Variants in PTPRK observed in about 807,000 individuals in gnomAD.
PTPRK encodes protein tyrosine phosphatase receptor type K.
Under a neutral mutation model 178.0 loss-of-function variants are expected in PTPRK, and 75 were observed. The observed-to-expected ratio is 0.42, with a 90% CI of 0.35 to 0.51. PTPRK has a LOEUF of 0.51. Ranked by LOEUF, PTPRK falls within the 20% of genes least tolerant of loss-of-function variation. The pLI is 0.02. For synonymous variants in PTPRK, 637 were observed against 620.6 expected (o/e 1.03, Z -0.39); for missense variants, 1,441 against 1,797.8 (o/e 0.80, Z 3.59).
At chr6:128,315,312 A>T (rs947839217) in intron 3 of PTPRK, among the ~76,000 whole-genome samples, 15 of 152,132 alleles carry the variant, frequency 9.9e-5, no homozygotes, top group Non-Finnish European at 1.5e-4. Flanking sequence ...ATTACTTGGT[A>T]TAAATTTGAC....
intron 7 of PTPRK, among the ~76,000 whole-genome samples, chr6:128,101,115 CAGA>C (rs1277993142): frequency 6.6e-6 from 1 of 151,924 alleles, no homozygotes; most frequent in Non-Finnish European, 1.5e-5. Flanking sequence ...TAAATATTCA[CAGA>C]AGAATAGTAA....
chr6:128,190,490 CTTTTTTTTTTTTTTT>C (rs34873441), intron 6 of PTPRK, among the ~76,000 whole-genome samples: 2 of 96,126 alleles, frequency 2.1e-5, no homozygotes, highest in Non-Finnish European at 3.8e-5. Context: ...TGATAGATAC[CTTTTTTTTTTTTTTT>C]TTTTTTTTTT....
chr6:128,282,896 G>A (rs532577653), intron 3 of PTPRK, among the ~76,000 whole-genome samples: 1 of 152,088 alleles, frequency 6.6e-6, no homozygotes, highest in African/African-American at 2.4e-5. Context: ...TGTACAAAAC[G>A]GAATGGTAGT....
intron 13 of PTPRK, among the ~76,000 whole-genome samples, chr6:128,012,537 G>T (rs13197257): frequency 0.21 from 32,189 of 150,870 alleles, 4,362 homozygotes; most frequent in Admixed American, 0.3. Flanking sequence ...CTGCCAAAGA[G>T]CATATAAGGA....
rs142019423 is a variant in PTPRK at position 128,420,526 on chromosome 6, C to T, written c.101-22838G>A. The stretch of plus-strand genomic sequence containing the variant: ...TGATGAATGAGACTTTGCCATTGCC[C>T]TCAGAATGCTTAGAGCTCCCTGGAG... On this transcript the variant is annotated intron_variant, in intron 1 of 29. Transcript: ENST00000368226. Among the ~76,000 whole-genome samples, 5 of 152,222 alleles carry T rather than the reference C, an allele frequency of 3.3e-5. No individual in the cohort carries two copies. In the East Asian group the frequency reaches 9.6e-4, roughly 29 times the overall value.
chr6:128,089,187 C>T (rs1442886629), intron 8 of PTPRK, among the ~76,000 whole-genome samples: 1 of 152,176 alleles, frequency 6.6e-6, no homozygotes, highest in Non-Finnish European at 1.5e-5. Context: ...TGGTCTTGAA[C>T]TCTTGACCTC....
intron 3 of PTPRK, among the ~76,000 whole-genome samples, chr6:128,310,951 TGGA>T (rs945430120): frequency 6.6e-6 from 1 of 152,072 alleles, no homozygotes; most frequent in African/African-American, 2.4e-5. Flanking sequence ...AACAGGCAGA[TGGA>T]GGAGAAGAGC....
At chr6:128,117,951 T>C (rs1791826249) in intron 7 of PTPRK, among the ~76,000 whole-genome samples, 1 of 152,202 alleles carries the variant, frequency 6.6e-6, no homozygotes, top group Admixed American at 6.5e-5. Context: ...GCCTGGACCA[T>C]GTTATGTTAA....
At chr6:128,221,991 A>G (rs1302615242) in intron 5 of PTPRK, among the ~76,000 whole-genome samples, 1 of 152,096 alleles carries the variant, frequency 6.6e-6, no homozygotes, top group Admixed American at 6.6e-5. Flanking sequence ...TACTTTTGTT[A>G]TACAACCTTA....
chr6:128,024,615 C>A (rs1419401931), intron 13 of PTPRK, among the ~76,000 whole-genome samples: 2 of 151,988 alleles, frequency 1.3e-5, no homozygotes, highest in African/African-American at 2.4e-5. Context: ...TCAAGACCAG[C>A]CTGGCCAACA....
At chr6:128,189,916 G>A (rs1306415686) in intron 6 of PTPRK, among the ~76,000 whole-genome samples, 1 of 152,130 alleles carries the variant, frequency 6.6e-6, no homozygotes, top group Non-Finnish European at 1.5e-5. Flanking sequence ...GCATTTATCA[G>A]CTACCCCTAC....
chr6:128,299,684 AC>A (rs1168192648), intron 3 of PTPRK, among the ~76,000 whole-genome samples: 1 of 152,088 alleles, frequency 6.6e-6, no homozygotes, highest in African/African-American at 2.4e-5. Flanking sequence ...GAAAGCTGAA[AC>A]TGGATCCCTT....
intron 27 of PTPRK, among the ~76,000 whole-genome samples, chr6:127,974,222 A>G (rs1774258761): frequency 6.6e-6 from 1 of 152,202 alleles, no homozygotes; most frequent in Non-Finnish European, 1.5e-5. Flanking sequence ...TATAGGCATC[A>G]TGATTATTTT....
intron 6 of PTPRK, among the ~76,000 whole-genome samples, chr6:128,215,903 GCA>G (rs1809191327): frequency 6.6e-6 from 1 of 151,986 alleles, no homozygotes; most frequent in African/African-American, 2.4e-5. Context: ...GGACCTGTCA[GCA>G]CAGTTAATTC....
intron 1 of PTPRK, among the ~76,000 whole-genome samples, chr6:128,511,198 A>G (rs1448500535): frequency 6.6e-6 from 1 of 152,192 alleles, no homozygotes; most frequent in African/African-American, 2.4e-5. Context: ...CCAGACACAA[A>G]TTGCCTCTTT....
At chr6:128,175,349 T>C (rs941943365) in intron 7 of PTPRK, among the ~76,000 whole-genome samples, 1 of 151,868 alleles carries the variant, frequency 6.6e-6, no homozygotes, top group Non-Finnish European at 1.5e-5. Context: ...CAAAAAGTAG[T>C]TGAATAGTAT....
chr6:128,424,815 C>T (rs1160126228), intron 1 of PTPRK, among the ~76,000 whole-genome samples: 1 of 152,098 alleles, frequency 6.6e-6, no homozygotes, highest in Non-Finnish European at 1.5e-5. Flanking sequence ...GTCACTAATG[C>T]TAAAATCTTC....
intron 13 of PTPRK, among the ~76,000 whole-genome samples, chr6:128,033,419 TCA>T (rs762037232): frequency 5.3e-5 from 8 of 152,250 alleles, no homozygotes; most frequent in Non-Finnish European, 7.3e-5. Flanking sequence ...ATAACTATCT[TCA>T]CAGTTTCCAC....
At chr6:128,458,002 A>T (rs765573486) in intron 1 of PTPRK, among the ~76,000 whole-genome samples, 5 of 152,092 alleles carry the variant, frequency 3.3e-5, no homozygotes, top group Non-Finnish European at 7.4e-5. Flanking sequence ...ACTGCCCTCA[A>T]ACACCTTATA....
Sources: allele counts gnomAD v4.1 joint callset (sites outside exome capture counted in the v4.1 genomes callset), GRCh38; gene constraint gnomAD v4.1.1; transcripts MANE v1.5; gene names NCBI Gene and HGNC (gene_info 2026-07-23, HGNC 2026-07-21).